GRIN2A: variants seen among roughly 807,000 people sequenced by gnomAD.
GRIN2A encodes glutamate ionotropic receptor NMDA type subunit 2A.
In GRIN2A, 22 loss-of-function variants were observed where a neutral mutation model predicts 113.4. The ratio of observed to expected loss-of-function variants is 0.19; its 90% CI spans 0.14 to 0.28. GRIN2A has a LOEUF of 0.28. GRIN2A is among the 10% of genes least tolerant of loss of function. The pLI is 1.00. For synonymous variants in GRIN2A, 827 were observed against 738.4 expected (o/e 1.12, Z -1.94); for missense variants, 1,502 against 1,887.0 (o/e 0.80, Z 3.78).
At chr16:10,029,921 C>T (rs1194316170) in intron 2 of GRIN2A, among the ~76,000 whole-genome samples, 4 of 152,044 alleles carry the variant, frequency 2.6e-5, no homozygotes, top group South Asian at 4.1e-4. Flanking sequence ...TGCTTGAACC[C>T]GGGAGGCAGA....
intron 2 of GRIN2A, among the ~76,000 whole-genome samples, chr16:10,087,972 G>C (rs1340406733): frequency 6.6e-6 from 1 of 150,956 alleles, no homozygotes; most frequent in African/African-American, 2.4e-5. Flanking sequence ...TTACAGGTGT[G>C]AGCCACCACG....
intron 10 of GRIN2A, chr16:9,805,647 T>C (rs1198953575): frequency 1.3e-5 from 2 of 152,156 alleles, no homozygotes; most frequent in Non-Finnish European, 2.9e-5. Flanking sequence ...ATCTGTAAGA[T>C]GGGAAATAAA....
intron 12 of GRIN2A, 135 bp from the exon 13 acceptor site, chr16:9,765,083 T>C (rs1900833140): frequency 1.1e-5 from 12 of 1,067,244 alleles, no homozygotes; most frequent in Non-Finnish European, 1.6e-5. Flanking sequence ...AAATTCAGTC[T>C]GAATCCTGAT....
At chr16:9,779,070 C>T (rs1225113655) in intron 11 of GRIN2A, among the ~76,000 whole-genome samples, 1 of 152,180 alleles carries the variant, frequency 6.6e-6, no homozygotes, top group Non-Finnish European at 1.5e-5. Flanking sequence ...GAGAATGTGG[C>T]CAACTAGTGG....
chr16:10,073,107 C>A (rs552092333), intron 2 of GRIN2A, among the ~76,000 whole-genome samples: 2 of 151,958 alleles, frequency 1.3e-5, no homozygotes, highest in Non-Finnish European at 2.9e-5. Flanking sequence ...AGGCACCCAC[C>A]GCCACGTCTG....
intron 2 of GRIN2A, among the ~76,000 whole-genome samples, chr16:10,164,967 G>C (rs2049881384): frequency 6.6e-6 from 1 of 152,186 alleles, no homozygotes. Context: ...ATAGTTATTA[G>C]AAGTGTCCAG....
intron 2 of GRIN2A, among the ~76,000 whole-genome samples, chr16:10,109,014 T>TA (rs56946708): frequency 0.047 from 5,362 of 113,624 alleles, 434 homozygotes; most frequent in African/African-American, 0.2. Flanking sequence ...TGATTCTCTT[T>TA]AAAAAAAAAA....
chr16:10,050,123 C>T (rs926986294), intron 2 of GRIN2A, among the ~76,000 whole-genome samples: 2 of 152,140 alleles, frequency 1.3e-5, no homozygotes, highest in African/African-American at 4.8e-5. Flanking sequence ...ATCCTGAAGT[C>T]CCTGGTTTGG....
chr16:9,769,064 C>T lies in GRIN2A; in HGVS notation c.2382G>A (p.Leu794=). 6.2e-7 allele frequency: 1 copy of T among 1,614,114 alleles called. No homozygotes were observed. Among genetic ancestry groups the T allele is most frequent in the Non-Finnish European group, 8.5e-7 (1 of 1,179,950 alleles). ...GDGEMEELET[L]WLTGICHNEK... ...CGTTGTGGCAGATCCCAGTGAGCCA[C>T]AGGGTCTCCAGCTCCTCCATCTCAC... The change falls in exon 12 of 13, where the codon CTG becomes CTA. Residue 794 remains leucine (L), a synonymous_variant. Transcript: ENST00000330684.
chr16:10,064,095 C>A (rs1321874828), intron 2 of GRIN2A, among the ~76,000 whole-genome samples: 1 of 152,172 alleles, frequency 6.6e-6, no homozygotes, highest in Non-Finnish European at 1.5e-5. Context: ...AAACAGAGAG[C>A]TTTTCTTACC....
At chr16:9,901,207 T>C (rs1596559341) in intron 3 of GRIN2A, among the ~76,000 whole-genome samples, 1 of 152,290 alleles carries the variant, frequency 6.6e-6, no homozygotes, top group East Asian at 1.9e-4. Flanking sequence ...ATTTGTGGAA[T>C]GAACAAAAGT....
At chr16:10,045,178 G>T (rs1382230796) in intron 2 of GRIN2A, among the ~76,000 whole-genome samples, 3 of 152,162 alleles carry the variant, frequency 2.0e-5, no homozygotes, top group Non-Finnish European at 4.4e-5. Context: ...CATCACCAGG[G>T]TGCAGACATG....
intron 2 of GRIN2A, among the ~76,000 whole-genome samples, chr16:10,077,505 G>A (rs1382092538): frequency 6.6e-6 from 1 of 152,116 alleles, no homozygotes; most frequent in Non-Finnish European, 1.5e-5. Flanking sequence ...CCTCTCACCT[G>A]GATGACTTCT....
chr16:10,118,316 T>C (rs1001654026), intron 2 of GRIN2A, among the ~76,000 whole-genome samples: 2 of 152,196 alleles, frequency 1.3e-5, no homozygotes, highest in Non-Finnish European at 2.9e-5. Context: ...CTGTCACTTA[T>C]ATCTCTGGCT....
chr16:9,935,370 G>A (rs2044688460), intron 3 of GRIN2A, among the ~76,000 whole-genome samples: 2 of 152,124 alleles, frequency 1.3e-5, no homozygotes. Flanking sequence ...TTAAAATGCT[G>A]AAAGTGGCAG....
chr16:10,005,283 G>C (rs2046386591), intron 2 of GRIN2A, among the ~76,000 whole-genome samples: 2 of 152,068 alleles, frequency 1.3e-5, no homozygotes, highest in Admixed American at 1.3e-4. Flanking sequence ...TTATATTCTG[G>C]GCCAATGTAC....
At chr16:10,015,266 A>AAAAAAAG (rs2046585195) in intron 2 of GRIN2A, among the ~76,000 whole-genome samples, 1 of 130,188 alleles carries the variant, frequency 7.7e-6, no homozygotes, top group Admixed American at 8.0e-5. Context: ...AAAAAAAAAA[A>AAAAAAAG]AAAAAGAAAA....
At chr16:9,775,103 C>A (rs1901516305) in intron 11 of GRIN2A, among the ~76,000 whole-genome samples, 2 of 152,200 alleles carry the variant, frequency 1.3e-5, no homozygotes, top group Non-Finnish European at 2.9e-5. Flanking sequence ...CCCCTGAGGT[C>A]ATTTGTGAAA....
intron 2 of GRIN2A, chr16:10,112,944 A>C: frequency 2.6e-6 from 1 of 388,718 alleles, no homozygotes; most frequent in Non-Finnish European, 5.0e-6. Context: ...CTTCGGGCAC[A>C]ACCTCTCTCC....
Sources: allele counts gnomAD v4.1 joint callset (sites outside exome capture counted in the v4.1 genomes callset), GRCh38; gene constraint gnomAD v4.1.1; transcripts MANE v1.5; gene names NCBI Gene and HGNC (gene_info 2026-07-23, HGNC 2026-07-21).